The following IFT80 variants were observed in gnomAD, a reference collection of about 807,000 sequenced individuals.
The protein encoded by IFT80 is intraflagellar transport 80.
In IFT80, 79 loss-of-function variants were observed where a neutral mutation model predicts 107.9. The observed-to-expected ratio is 0.73, with a 90% CI of 0.61 to 0.88. The LOEUF (loss-of-function observed/expected upper bound fraction) is 0.88, where lower values mean the gene tolerates loss of function less well. Among genes scored for constraint, IFT80 ranks in the 40% least tolerant of loss-of-function variants. The pLI is 0.00. For synonymous variants in IFT80, 299 were observed against 300.9 expected (o/e 0.99, Z 0.07); for missense variants, 797 against 914.2 (o/e 0.87, Z 1.65).
intron 8 of IFT80, among the ~76,000 whole-genome samples, chr3:160,347,810 T>C (rs1720402773): frequency 1.3e-5 from 2 of 152,216 alleles, no homozygotes; most frequent in East Asian, 3.8e-4. Flanking sequence ...CTCCTGCTCA[T>C]GGACATTTAT....
chr3:160,304,029 A>G (rs1365341900), intron 10 of IFT80, 40 bp from the exon 11 acceptor site: 1 of 1,280,422 alleles, frequency 7.8e-7, no homozygotes, highest in African/African-American at 1.5e-5. Flanking sequence ...AACATTTAAA[A>G]TACCAAATAC....
chr3:160,261,546 A>G (rs1248765841), intron 19 of IFT80, among the ~76,000 whole-genome samples: 1 of 149,946 alleles, frequency 6.7e-6, no homozygotes, highest in Admixed American at 6.7e-5. Flanking sequence ...CAATGTCATC[A>G]GTTTACTTCA....
chr3:160,336,032 A>G (rs1576828349), intron 8 of IFT80, among the ~76,000 whole-genome samples: 1 of 152,258 alleles, frequency 6.6e-6, no homozygotes, highest in Non-Finnish European at 1.5e-5. Flanking sequence ...GTATGGATAG[A>G]ACATAGTTTG....
intron 19 of IFT80, among the ~76,000 whole-genome samples, chr3:160,263,951 G>A (rs1346341271): frequency 2.6e-5 from 4 of 151,872 alleles, no homozygotes; most frequent in African/African-American, 9.7e-5. Flanking sequence ...GATTACAGGC[G>A]TGAGCCACTG....
chr3:160,315,053 AAGGGAGGGAGGGAGGG>A (rs3043631), intron 9 of IFT80, among the ~76,000 whole-genome samples: 12 of 45,236 alleles, frequency 2.7e-4, no homozygotes, highest in Non-Finnish European at 3.8e-4. Context: ...AAAAAGAAGG[AAGGGAGGGAGGGAGGG>A]AGGGAGGGAG....
At position 160,285,799 on chromosome 3, in the gene IFT80, A is replaced by G; in HGVS notation, c.1380+5T>C. ...TTTACATTAGAAGTAGTTAATGTCC[A>G]TTACCTTATGAGAAAGAAACTTTCC... On this transcript the variant is annotated splice_donor_5th_base_variant and intron_variant, in intron 13 of 19. Coordinates refer to ENST00000326448, the MANE Select transcript of IFT80 (RefSeq NM_020800.3). 1.3e-6 allele frequency: 2 copies of G among 1,587,052 alleles called. No individual in the cohort carries two copies. Among genetic ancestry groups the G allele is most frequent in the Non-Finnish European group, 1.7e-6 (2 of 1,156,068 alleles).
rs572687690 is a variant in IFT80, at chr3:160,371,627, C to T, written c.439+4185G>A. 4.9e-4 allele frequency among the ~76,000 whole-genome samples: 75 copies of T among 152,060 alleles called. 1 individual carries two copies. In the South Asian group the frequency reaches 0.014, roughly 28 times the overall value. On this transcript the variant is annotated intron_variant, in intron 5 of 19. Transcript: ENST00000326448. The stretch of plus-strand genomic sequence containing the variant: ...CCGGCTAACTTTTGTATTTTTTGTA[C>T]AGATGGGGTTTTCCCATGTTGCCCA...
At chr3:160,311,625 T>C (rs1181614106) in intron 9 of IFT80, among the ~76,000 whole-genome samples, 1 of 151,610 alleles carries the variant, frequency 6.6e-6, no homozygotes, top group African/African-American at 2.4e-5. Context: ...GGAGCTAGAG[T>C]TTTTTAGGGA....
At chr3:160,327,878 A>T (rs1302699740) in intron 8 of IFT80, among the ~76,000 whole-genome samples, 1 of 152,222 alleles carries the variant, frequency 6.6e-6, no homozygotes, top group African/African-American at 2.4e-5. Flanking sequence ...TAGCAAAAGA[A>T]ACCATCAACA....
intron 4 of IFT80, among the ~76,000 whole-genome samples, chr3:160,377,048 G>C (rs1191662597): frequency 6.6e-6 from 1 of 152,192 alleles, no homozygotes; most frequent in Non-Finnish European, 1.5e-5. Context: ...AGAGTCATTT[G>C]TTATGAGCAA....
intron 15 of IFT80, among the ~76,000 whole-genome samples, chr3:160,280,074 C>G (rs1714568224): frequency 6.6e-6 from 1 of 152,096 alleles, no homozygotes; most frequent in African/African-American, 2.4e-5. Flanking sequence ...AAACTCAAAA[C>G]AGATTTGAAA....
intron 7 of IFT80, 50 bp downstream of exon 7, chr3:160,357,439 C>T (rs762011527): frequency 1.0e-4 from 104 of 999,736 alleles, no homozygotes; most frequent in Non-Finnish European, 1.5e-4. Flanking sequence ...ATGCTAAGTA[C>T]TTATAAATTT....
intron 6 of IFT80, among the ~76,000 whole-genome samples, chr3:160,363,237 C>T (rs1721628172): frequency 6.6e-6 from 1 of 152,066 alleles, no homozygotes; most frequent in South Asian, 2.1e-4. Context: ...AACAGAGAGC[C>T]AAATAATGAG....
intron 19 of IFT80, among the ~76,000 whole-genome samples, chr3:160,267,282 T>C (rs1713414062): frequency 6.6e-6 from 1 of 152,150 alleles, no homozygotes; most frequent in Non-Finnish European, 1.5e-5. Context: ...GCCTTCTCTC[T>C]ATCTTCTCTC....
Position 160,257,686 on chromosome 3 carries a change from A to G in IFT80, c.*839T>C, listed in dbSNP as rs1243659186. On this transcript the variant is annotated 3_prime_UTR_variant, in exon 20 of 20. Transcript: ENST00000326448. ...ACATTCAAAATGTTGAGCAACCATC[A>G]TCGCTATCCATTTCCAGAATTTGTT... 2 of 152,208 alleles carry G rather than the reference A, an allele frequency of 1.3e-5. No individual in the cohort carries two copies. Among genetic ancestry groups the G allele is most frequent in the African/African-American group, 4.8e-5 (2 of 41,456 alleles). 9.4% of individuals were successfully genotyped at this position (152,208 alleles called of 1,614,324 possible). A position where few individuals can be genotyped will look rare whatever the true frequency, so the allele number is the denominator to read the frequency against.
intron 7 of IFT80, 96 bp downstream of exon 7, chr3:160,357,393 C>T (rs1721170811): frequency 2.9e-6 from 2 of 697,926 alleles, no homozygotes; most frequent in Non-Finnish European, 5.0e-6. Context: ...AGTAAAAAGA[C>T]ATGGCTAAAG....
chr3:160,388,928 G>A (rs1713146958), intron 1 of IFT80, among the ~76,000 whole-genome samples: 1 of 152,152 alleles, frequency 6.6e-6, no homozygotes, highest in African/African-American at 2.4e-5. Flanking sequence ...GCTGGAAAGG[G>A]CCAGAAAACA....
rs777204513 is a variant in IFT80 at position 160,366,107 on chromosome 3, A to G, written c.485T>C (p.Val162Ala). Residue 162 changes from valine (V) to alanine (A), a missense_variant, in exon 6 of 20, where the codon GTT becomes GCT. Transcript: ENST00000326448. ...SVAWGPDSEK[V>A]LYTAGKQLII... ...TAGCTGCTTGCCTGCTGTATAAAGAACCTTTTCTGAATCAGGGCCCCACGC... is the reference window on the plus strand; with the variant it reads ...TAGCTGCTTGCCTGCTGTATAAAGAGCCTTTTCTGAATCAGGGCCCCACGC... 8.1e-6 allele frequency: 13 copies of G among 1,612,740 alleles called. No homozygotes were observed. The highest frequency in any genetic ancestry group is 7.6e-6 in the Non-Finnish European group (9 of 1,179,150).
chr3:160,383,317 T>C (rs1245664137), intron 2 of IFT80: 1 of 291,238 alleles, frequency 3.4e-6, no homozygotes, highest in African/African-American at 2.3e-5. Flanking sequence ...TGGTGTGAAC[T>C]CTTGAAAGCA....
Sources: gnomAD v4.1 joint callset for allele counts (sites outside exome capture counted in the v4.1 genomes callset) on GRCh38, gnomAD v4.1.1 for gene constraint, MANE v1.5 for transcripts, NCBI Gene and HGNC (gene_info 2026-07-23, HGNC 2026-07-21) for gene names.